Variants in AMELY observed in about 807,000 individuals in gnomAD.
The protein encoded by AMELY is amelogenin, Y isoform.
In AMELY, 4 loss-of-function variants were observed where a neutral mutation model predicts 4.2. The ratio of observed to expected loss-of-function variants is 0.96; its 90% CI spans 0.47 to 2.19. The LOEUF (loss-of-function observed/expected upper bound fraction) is 2.19. Ranked by LOEUF, AMELY falls within the 30% of genes most tolerant of loss-of-function variation. The pLI is 0.02. For missense variants in AMELY, 32 were observed against 41.5 expected, an observed-to-expected ratio of 0.77 and a Z score of 0.63; for synonymous variants, 11 against 14.7, an observed-to-expected ratio of 0.75 and a Z score of 0.57.
intron 1 of AMELY, among the ~76,000 whole-genome samples, chrY:6,898,754 C>A (rs2054087477): frequency 3.0e-5 from 1 of 33,631 alleles, no homozygotes. Context: ...GATTTTGGAC[C>A]TCCAGAACTA....
At chrY:6,885,300 C>T in intron 1 of AMELY, among the ~76,000 whole-genome samples, 11 of 33,313 alleles carry the variant, frequency 3.3e-4, no homozygotes, top group Non-Finnish European at 1.5e-4. Context: ...ACAGTGAAAC[C>T]CCGTCTCTAC....
chrY:6,892,005 A>C, intron 1 of AMELY, among the ~76,000 whole-genome samples: 1 of 34,398 alleles, frequency 2.9e-5, no homozygotes, highest in Non-Finnish European at 7.3e-5. Context: ...CCTTCTATCA[A>C]GAGCATAGGC....
chrY:6,876,293 A>G (rs2054071794), intron 1 of AMELY, among the ~76,000 whole-genome samples: 1 of 33,649 alleles, frequency 3.0e-5, no homozygotes, highest in Non-Finnish European at 7.4e-5. Context: ...TTAAAAAGAA[A>G]ATATGTTATT....
intron 1 of AMELY, among the ~76,000 whole-genome samples, chrY:6,883,995 G>C: frequency 3.1e-5 from 1 of 32,028 alleles, no homozygotes; most frequent in Non-Finnish European, 7.5e-5. Context: ...TATTGCATGA[G>C]GATATGCTTA....
intron 1 of AMELY, among the ~76,000 whole-genome samples, chrY:6,904,525 G>C: frequency 3.0e-5 from 1 of 33,568 alleles, no homozygotes; most frequent in African/African-American, 1.2e-4. Flanking sequence ...TGTATATCGT[G>C]CAGAATCTTC....
intron 1 of AMELY, among the ~76,000 whole-genome samples, chrY:6,898,074 C>T (rs2054087243): frequency 6.1e-5 from 2 of 32,580 alleles, no homozygotes; most frequent in African/African-American, 2.4e-4. Flanking sequence ...CATCAGCCAC[C>T]GTGCCCAGCC....
chrY:6,883,527 C>T (rs532679172), intron 1 of AMELY, among the ~76,000 whole-genome samples: 13 of 32,246 alleles, frequency 4.0e-4, no homozygotes, highest in Admixed American at 8.6e-4. Flanking sequence ...CATCGTGACA[C>T]GTGTATACCT....
intron 3 of AMELY, among the ~76,000 whole-genome samples, chrY:6,870,673 GGA>G (rs2054066944): frequency 5.9e-5 from 2 of 33,732 alleles, no homozygotes; most frequent in Non-Finnish European, 1.5e-4. Flanking sequence ...CAAGATGGGT[GGA>G]GAAAGTAGAA....
At chrY:6,910,287 G>C (rs921046059) in intron 1 of AMELY, among the ~76,000 whole-genome samples, 5 of 32,637 alleles carry the variant, frequency 1.5e-4, no homozygotes, top group Non-Finnish European at 3.0e-4. Flanking sequence ...TTTTGACGGA[G>C]ATACACCCTC....
intron 3 of AMELY, among the ~76,000 whole-genome samples, chrY:6,871,681 C>G: frequency 3.1e-5 from 1 of 32,380 alleles, no homozygotes; most frequent in Non-Finnish European, 7.5e-5. Context: ...TCCTCCAGGC[C>G]AGGTGCCGTG....
At chrY:6,879,815 A>G (rs752360289) in intron 1 of AMELY, among the ~76,000 whole-genome samples, 1 of 33,390 alleles carries the variant, frequency 3.0e-5, no homozygotes, top group South Asian at 6.5e-4. Flanking sequence ...TTTTTGTCAG[A>G]TTTGTCAAAG....
chrY:6,868,073 A>T lies in AMELY; in HGVS notation c.537T>A (p.Ala179=). 2.5e-6 allele frequency: 1 copy of T among 394,205 alleles called. No individual in the cohort carries two copies. Among genetic ancestry groups the T allele is most frequent in the Non-Finnish European group, 3.6e-6 (1 of 281,439 alleles). The change falls in exon 6 of 7, where the codon GCT becomes GCA. Residue 179 remains alanine (A), a synonymous_variant. Transcript: ENST00000651267. The part of the protein sequence containing the change: ...PPILPDLHLE[A]WPATDKTKQE... ...GCTTGGTCTTGTCTGTTGCTGGCCA[A>T]GCTTCCAGATGCAGATCAGGAAGTA...
intron 1 of AMELY, among the ~76,000 whole-genome samples, chrY:6,908,870 A>G (rs373272525): frequency 3.3e-4 from 11 of 33,257 alleles, no homozygotes; most frequent in African/African-American, 1.3e-3. Context: ...CTATAAGCCT[A>G]TGATAAAAGC....
At chrY:6,876,222 C>T (rs2054071772) in intron 1 of AMELY, among the ~76,000 whole-genome samples, 1 of 32,982 alleles carries the variant, frequency 3.0e-5, no homozygotes, top group Non-Finnish European at 7.5e-5. Flanking sequence ...GAAGAGAGGA[C>T]AAAATTTCAG....
intron 1 of AMELY, among the ~76,000 whole-genome samples, chrY:6,909,679 T>C (rs747226620): frequency 2.1e-4 from 7 of 32,752 alleles, no homozygotes; most frequent in African/African-American, 8.4e-4. Flanking sequence ...GGTCTGCTTT[T>C]TTGTTGGAGG....
chrY:6,885,218 G>A, intron 1 of AMELY, among the ~76,000 whole-genome samples: 1 of 33,885 alleles, frequency 3.0e-5, no homozygotes, highest in Admixed American at 2.7e-4. Context: ...AGTGACTCAT[G>A]CCTGTAATCC....
intron 1 of AMELY, among the ~76,000 whole-genome samples, chrY:6,884,557 C>A: frequency 3.1e-5 from 1 of 32,519 alleles, no homozygotes; most frequent in Non-Finnish European, 7.5e-5. Flanking sequence ...AAGCAAGACC[C>A]AGCAGTATAC....
intron 1 of AMELY, among the ~76,000 whole-genome samples, chrY:6,899,971 G>A: frequency 8.9e-5 from 3 of 33,589 alleles, no homozygotes; most frequent in Admixed American, 8.3e-4. Context: ...CTTGAACCCA[G>A]GTGTTGGGAT....
intron 1 of AMELY, among the ~76,000 whole-genome samples, chrY:6,888,122 T>C: frequency 3.0e-5 from 1 of 33,590 alleles, no homozygotes; most frequent in Non-Finnish European, 7.3e-5. Flanking sequence ...CCTCCAATAA[T>C]GTAAAAGCCT....
Sources: allele counts gnomAD v4.1 joint callset (sites outside exome capture counted in the v4.1 genomes callset), GRCh38; gene constraint gnomAD v4.1.1; transcripts MANE v1.5; gene names NCBI Gene and HGNC (gene_info 2026-07-23, HGNC 2026-07-21).